The following MYO6 variants were observed in gnomAD, a reference collection of about 807,000 sequenced individuals.
MYO6 encodes unconventional myosin-VI.
Under a neutral mutation model 178.7 loss-of-function variants are expected in MYO6, and 74 were observed. That is an observed-to-expected ratio of 0.41 (90% CI 0.34 to 0.50). The LOEUF is 0.50. Ranked by LOEUF, MYO6 falls within the 20% of genes least tolerant of loss-of-function variation. The pLI is 0.09. For synonymous variants in MYO6, 477 were observed against 504.6 expected (o/e 0.95, Z 0.73); for missense variants, 1,330 against 1,547.4 (o/e 0.86, Z 2.36).
Position 75,857,172 on chromosome 6 carries a change from T to G in MYO6, c.1299T>G (p.Asp433Glu). ...AGACAGTGTATAGCCATCTTTTTGA[T>G]CATGTGGTAAACAGAGTAAATCAGT... ...LAKTVYSHLF[D>E]HVVNRVNQCF... is the part of the protein sequence containing the mutation. The change falls in exon 13 of 35, where the codon GAT becomes GAG. Residue 433 changes from aspartate (D) to glutamate (E), a missense_variant. This residue lies in a region of MYO6 where 613 missense variants were observed against 816.8 expected (regional missense o/e 0.75). Coordinates refer to ENST00000369977, the MANE Select transcript of MYO6 (RefSeq NM_004999.4). 6.2e-7 allele frequency: 1 copy of G among 1,614,064 alleles called. No individual in the cohort carries two copies. The highest frequency in any genetic ancestry group is 1.1e-5 in the South Asian group (1 of 91,082).
intron 1 of MYO6, among the ~76,000 whole-genome samples, chr6:75,798,828 C>T (rs1331792032): frequency 6.6e-6 from 1 of 152,180 alleles, no homozygotes; most frequent in Non-Finnish European, 1.5e-5. Context: ...TCTATCTTTG[C>T]TGATGATACA....
At chr6:75,778,104 C>T (rs1268051498) in intron 1 of MYO6, among the ~76,000 whole-genome samples, 1 of 152,004 alleles carries the variant, frequency 6.6e-6, no homozygotes, top group Non-Finnish European at 1.5e-5. Context: ...GAGTGATCAT[C>T]CTGTTACACC....
chr6:75,760,238 A>G (rs1055406688), intron 1 of MYO6, among the ~76,000 whole-genome samples: 3 of 152,170 alleles, frequency 2.0e-5, no homozygotes, highest in African/African-American at 4.8e-5. Flanking sequence ...TATTTTGCTA[A>G]TGCCAATTTT....
rs755852382 is a variant in MYO6, at chr6:75,891,266, A to AAGG, written c.2908_2909insGAG (p.Glu969_Glu970insGly). On this transcript the variant is annotated inframe_insertion, in exon 27 of 35. Transcript: ENST00000369977. The stretch of plus-strand genomic sequence containing the variant: ...GAAGCAAAGAGAAAACAAGAAGAAG[A>AAGG]AGAGAGAAAGAAAAGGGAAGATGAT... 2 of 1,609,570 alleles carry AAGG rather than the reference A, an allele frequency of 1.2e-6. No individual in the cohort carries two copies. The highest frequency in any genetic ancestry group is 3.3e-5 in the Admixed American group (2 of 59,834).
intron 1 of MYO6, among the ~76,000 whole-genome samples, chr6:75,796,593 C>T (rs1006149253): frequency 1.3e-5 from 2 of 150,806 alleles, no homozygotes; most frequent in East Asian, 2.0e-4. Context: ...TCCTTCTCTG[C>T]CCCCTCTAGT....
chr6:75,786,955 A>G (rs1767627841), intron 1 of MYO6, among the ~76,000 whole-genome samples: 3 of 152,222 alleles, frequency 2.0e-5, no homozygotes, highest in African/African-American at 7.2e-5. Context: ...TGTCTGAAGC[A>G]TGTCATTCAT....
intron 4 of MYO6, among the ~76,000 whole-genome samples, chr6:75,828,886 A>C (rs895107862): frequency 2.6e-5 from 4 of 152,148 alleles, no homozygotes; most frequent in Non-Finnish European, 4.4e-5. Context: ...TTTTGGACTT[A>C]AAAATGTCCA....
At chr6:75,787,690 CTCT>C (rs1767729371) in intron 1 of MYO6, among the ~76,000 whole-genome samples, 2 of 27,208 alleles carry the variant, frequency 7.4e-5, no homozygotes, top group Non-Finnish European at 1.2e-4. Flanking sequence ...CTCTCTCTCT[CTCT>C]CTCTCTCTCT....
chr6:75,822,476 A>G (rs1771991180), intron 2 of MYO6, among the ~76,000 whole-genome samples: 1 of 151,906 alleles, frequency 6.6e-6, no homozygotes, highest in Admixed American at 6.6e-5. Flanking sequence ...GTTAAATAGC[A>G]TATGTATGTA....
At chr6:75,856,988 G>A in intron 12 of MYO6, 109 bp from the exon 13 acceptor site, 2 of 1,012,854 alleles carry the variant, frequency 2.0e-6, no homozygotes, top group Non-Finnish European at 3.0e-6. Flanking sequence ...CATGACCTTT[G>A]GTAACTCTTT....
intron 22 of MYO6, among the ~76,000 whole-genome samples, chr6:75,880,550 C>T (rs1777928335): frequency 6.6e-6 from 1 of 152,126 alleles, no homozygotes. Context: ...GGGCCTCATT[C>T]AAAGCTGTCC....
At chr6:75,866,809 C>T (rs970364880) in intron 17 of MYO6, 123 bp from the exon 18 acceptor site, 12 of 1,143,944 alleles carry the variant, frequency 1.0e-5, no homozygotes, top group African/African-American at 4.6e-5. Flanking sequence ...CTAGTGGTGA[C>T]GGCGTTGGAC....
At chr6:75,822,207 C>T (rs1771958116) in intron 2 of MYO6, among the ~76,000 whole-genome samples, 1 of 151,902 alleles carries the variant, frequency 6.6e-6, no homozygotes, top group African/African-American at 2.4e-5. Context: ...AAGGGATTCT[C>T]CTGCCTCAGC....
chr6:75,856,256 C>G (rs1479299693), intron 12 of MYO6, among the ~76,000 whole-genome samples: 2 of 152,100 alleles, frequency 1.3e-5, no homozygotes, highest in African/African-American at 4.8e-5. Context: ...CCCATTTTCT[C>G]CTTGTTCCAA....
chr6:75,892,945 T>C (rs1779021344), intron 28 of MYO6, among the ~76,000 whole-genome samples: 1 of 152,104 alleles, frequency 6.6e-6, no homozygotes, highest in Non-Finnish European at 1.5e-5. Context: ...ATTAAGAAAA[T>C]ATATCAACCT....
chr6:75,876,475 G>A (rs371758775), intron 20 of MYO6, among the ~76,000 whole-genome samples: 21 of 152,082 alleles, frequency 1.4e-4, no homozygotes, highest in African/African-American at 4.6e-4. Context: ...CATGTCTGTT[G>A]TATTCTTCCA....
intron 25 of MYO6, among the ~76,000 whole-genome samples, chr6:75,888,483 G>A (rs1778645360): frequency 6.6e-6 from 1 of 151,660 alleles, no homozygotes; most frequent in South Asian, 2.1e-4. Context: ...GGGCATGGTG[G>A]TATGAGCCTG....
At chr6:75,895,312 G>A (rs1455614018) in intron 29 of MYO6, 52 bp downstream of exon 29, 1 of 1,415,714 alleles carries the variant, frequency 7.1e-7, no homozygotes. Flanking sequence ...TACTTTTTGG[G>A]AGTAGTTTTC....
chr6:75,778,152 C>A (rs982538102), intron 1 of MYO6, among the ~76,000 whole-genome samples: 4 of 152,008 alleles, frequency 2.6e-5, no homozygotes, highest in Admixed American at 6.6e-5. Context: ...CATCATCACA[C>A]CCAATGAATA....
Sources: allele counts gnomAD v4.1 joint callset (sites outside exome capture counted in the v4.1 genomes callset), GRCh38; gene constraint gnomAD v4.1.1; regional missense constraint gnomAD v4.1.1; transcripts MANE v1.5; gene names NCBI Gene and HGNC (gene_info 2026-07-23, HGNC 2026-07-21).